TENM4: variants seen among roughly 807,000 people sequenced by gnomAD.
TENM4 encodes the protein teneurin transmembrane protein 4, also known as teneurin-4.
TENM4 carries 82 observed loss-of-function variants against 243.3 expected under a neutral mutation model. The observed-to-expected ratio is 0.34, with a 90% CI of 0.28 to 0.40. The LOEUF is 0.40. Among genes scored for constraint, TENM4 ranks in the 10% least tolerant of loss-of-function variants. The probability of loss-of-function intolerance (pLI) is 1.00; values close to 1 mark genes in which losing one functional copy is unlikely to be tolerated. For synonymous variants in TENM4, 1,412 were observed against 1,456.3 expected, an observed-to-expected ratio of 0.97 and a Z score of 0.69; for missense variants, 3,138 against 3,673.3, an observed-to-expected ratio of 0.85 and a Z score of 3.77.
intron 1 of TENM4, among the ~76,000 whole-genome samples, chr11:79,320,891 C>T (rs942914658): frequency 6.6e-6 from 1 of 152,170 alleles, no homozygotes; most frequent in African/African-American, 2.4e-5. Context: ...CCTGCCAAGG[C>T]CACAGGGCTA....
chr11:79,148,305 G>A, intron 4 of TENM4, among the ~76,000 whole-genome samples: 1 of 152,134 alleles, frequency 6.6e-6, no homozygotes, highest in East Asian at 1.9e-4. Context: ...AAGACGTGGA[G>A]TGAATTTCAA....
At chr11:79,100,381 T>C (rs957617832) in intron 4 of TENM4, among the ~76,000 whole-genome samples, 3 of 152,098 alleles carry the variant, frequency 2.0e-5, no homozygotes, top group South Asian at 2.1e-4. Flanking sequence ...TTGTGGGGTG[T>C]CTTCTAAGTA....
At chr11:79,298,378 G>C (rs1039424088) in intron 1 of TENM4, among the ~76,000 whole-genome samples, 1 of 151,294 alleles carries the variant, frequency 6.6e-6, no homozygotes, top group East Asian at 1.9e-4. Flanking sequence ...AGCCGGGCGC[G>C]GTGGCGGGCG....
intron 4 of TENM4, among the ~76,000 whole-genome samples, chr11:79,113,211 T>A (rs1591292126): frequency 6.6e-6 from 1 of 151,882 alleles, no homozygotes; most frequent in East Asian, 1.9e-4. Flanking sequence ...GTCAGGGATA[T>A]AAGCTGGACT....
At chr11:79,386,641 G>A (rs1858117632) in intron 1 of TENM4, among the ~76,000 whole-genome samples, 2 of 151,988 alleles carry the variant, frequency 1.3e-5, no homozygotes, top group Non-Finnish European at 2.9e-5. Flanking sequence ...GTAAACACAT[G>A]AAAAGGTGCC....
intron 1 of TENM4, among the ~76,000 whole-genome samples, chr11:79,371,692 T>C (rs972869471): frequency 6.6e-6 from 1 of 152,218 alleles, no homozygotes; most frequent in African/African-American, 2.4e-5. Context: ...CCAAATTTCA[T>C]GAGTTCCTTG....
chr11:79,124,074 T>C (rs999529787), intron 4 of TENM4, among the ~76,000 whole-genome samples: 8 of 152,158 alleles, frequency 5.3e-5, no homozygotes, highest in Non-Finnish European at 1.0e-4. Context: ...CAAATTCATA[T>C]TGGGTTTTGA....
At chr11:79,417,383 C>T (rs964970530) in intron 1 of TENM4, among the ~76,000 whole-genome samples, 2 of 152,132 alleles carry the variant, frequency 1.3e-5, no homozygotes, top group Non-Finnish European at 2.9e-5. Flanking sequence ...GGACTGGTCC[C>T]TCTTATCCTT....
chr11:79,216,522 A>T (rs548806861), intron 2 of TENM4, among the ~76,000 whole-genome samples: 1 of 152,276 alleles, frequency 6.6e-6, no homozygotes, highest in Non-Finnish European at 1.5e-5. Flanking sequence ...TAAATTCCTC[A>T]ATGTGGTAGT....
At chr11:79,330,477 C>A (rs76984563) in intron 1 of TENM4, among the ~76,000 whole-genome samples, 44 of 152,258 alleles carry the variant, frequency 2.9e-4, no homozygotes, top group African/African-American at 1.1e-3. Flanking sequence ...GGCCTTAATC[C>A]TCCCTCTTTC....
intron 4 of TENM4, among the ~76,000 whole-genome samples, chr11:79,122,249 GA>G (rs1414402137): frequency 5.3e-5 from 8 of 152,144 alleles, no homozygotes; most frequent in Admixed American, 5.2e-4. Context: ...AGGAAGGAGG[GA>G]AAGAAAGGAG....
intron 28 of TENM4, among the ~76,000 whole-genome samples, chr11:78,691,107 C>A (rs1452005218): frequency 6.6e-6 from 1 of 152,180 alleles, no homozygotes; most frequent in Non-Finnish European, 1.5e-5. Context: ...GTCCCTTCTC[C>A]CAGTGATATC....
intron 1 of TENM4, among the ~76,000 whole-genome samples, chr11:79,387,333 T>A (rs1449116395): frequency 6.6e-6 from 1 of 152,174 alleles, no homozygotes; most frequent in Admixed American, 6.5e-5. Context: ...GTATGTTAAT[T>A]TTATGAAAAA....
At chr11:79,317,749 T>A (rs114319972) in intron 1 of TENM4, among the ~76,000 whole-genome samples, 38 of 152,312 alleles carry the variant, frequency 2.5e-4, no homozygotes, top group African/African-American at 8.9e-4. Flanking sequence ...CCTTTCTGCC[T>A]TAGTTTCAAA....
At chr11:78,935,440 A>G (rs1192191363) in intron 6 of TENM4, among the ~76,000 whole-genome samples, 1 of 152,202 alleles carries the variant, frequency 6.6e-6, no homozygotes, top group Non-Finnish European at 1.5e-5. Flanking sequence ...CCAATAACTT[A>G]TGAGATAGGT....
rs569183605 is a variant in TENM4, at chr11:78,702,281, C to T, written c.4332G>A (p.Arg1444=). 163 of 1,613,924 alleles carry T rather than the reference C, an allele frequency of 1.0e-4. No homozygotes were observed. The highest frequency in any genetic ancestry group is 1.3e-4 in the Non-Finnish European group (156 of 1,179,918). The change falls in exon 28 of 34, where the codon AGG becomes AGA. Residue 1444 remains arginine, a synonymous_variant. Coordinates refer to ENST00000278550, the MANE Select transcript of TENM4 (RefSeq NM_001098816.3). ...ENHQVRIVAG[R]PMHCQVPGID... ...TGCCAGGGACCTGGCAGTGCATGGG[C>T]CTCCCGGCGACAATGCGCACCTGGT...
At chr11:78,753,040 A>C (rs1565364131) in intron 19 of TENM4, among the ~76,000 whole-genome samples, 1 of 152,208 alleles carries the variant, frequency 6.6e-6, no homozygotes, top group Non-Finnish European at 1.5e-5. Flanking sequence ...CCCTAATCTT[A>C]CAGATGAGCA....
chr11:79,062,163 T>C (rs1220400013), intron 6 of TENM4, among the ~76,000 whole-genome samples: 3 of 152,144 alleles, frequency 2.0e-5, no homozygotes, highest in Admixed American at 6.5e-5. Flanking sequence ...GGTTTTGCCA[T>C]GTTGCCCAGG....
At chr11:79,343,308 T>A (rs1384453632) in intron 1 of TENM4, among the ~76,000 whole-genome samples, 3 of 152,210 alleles carry the variant, frequency 2.0e-5, no homozygotes, top group African/African-American at 7.2e-5. Flanking sequence ...TCATTCTATT[T>A]TACAGATGAG....
Sources: allele counts gnomAD v4.1 joint callset (sites outside exome capture counted in the v4.1 genomes callset), GRCh38; gene constraint gnomAD v4.1.1; transcripts MANE v1.5; gene names NCBI Gene and HGNC (gene_info 2026-07-23, HGNC 2026-07-21).